The following ARHGAP35 variants were observed in gnomAD, a reference collection of about 807,000 sequenced individuals.
The protein encoded by ARHGAP35 is Rho GTPase activating protein 35.
Under a neutral mutation model 111.1 loss-of-function variants are expected in ARHGAP35, and 15 were observed. The observed-to-expected ratio is 0.13, with a 90% CI of 0.09 to 0.21. ARHGAP35 has a LOEUF of 0.21. ARHGAP35 is among the 10% of genes least tolerant of loss of function. ARHGAP35 has a pLI of 1.00. For synonymous variants in ARHGAP35, 643 were observed against 710.3 expected (o/e 0.91, Z 1.51); for missense variants, 1,262 against 1,873.0 (o/e 0.67, Z 6.02).
chr19:46,960,109 A>AC (rs2056470542), intron 3 of ARHGAP35, among the ~76,000 whole-genome samples: 1 of 144,264 alleles, frequency 6.9e-6, no homozygotes, highest in Non-Finnish European at 1.5e-5. Flanking sequence ...GACCTGTCTC[A>AC]CAAAAAAAAA....
In ARHGAP35 at chr19:46,922,636, G is replaced by T. The variant is rs972435057; in HGVS notation, c.3681+280G>T. ...ATAATGCAGAACTTGTCAGTGTCTT[G>T]ACAAGTGGCCAAGCGCAGTGACAAT... On this transcript the variant is annotated intron_variant, in intron 2 of 6. Transcript: ENST00000672722. The surrounding 1 kb of genome is among the most constrained non-coding windows in gnomAD (Gnocchi z 4.0). Among the ~76,000 whole-genome samples, 69 of 152,150 alleles carry T rather than the reference G, an allele frequency of 4.5e-4. No individual in the cohort carries two copies. The highest frequency in any genetic ancestry group is 1.6e-3 in the African/African-American group (67 of 41,418).
chr19:46,907,115 T>TA (rs1470998666), intron 1 of ARHGAP35, among the ~76,000 whole-genome samples: 1 of 152,152 alleles, frequency 6.6e-6, no homozygotes, highest in South Asian at 2.1e-4. Flanking sequence ...TTTTTCTTAA[T>TA]AAAAAATATT....
intron 1 of ARHGAP35, among the ~76,000 whole-genome samples, 104 bp downstream of exon 1, chr19:46,861,313 T>C (rs1313856499): frequency 7.0e-6 from 1 of 143,028 alleles, no homozygotes. Context: ...CCGCGAACAA[T>C]GGAGGAGCTG....
At chr19:46,876,749 C>CT (rs2055924822) in intron 1 of ARHGAP35, among the ~76,000 whole-genome samples, 1 of 151,584 alleles carries the variant, frequency 6.6e-6, no homozygotes, top group South Asian at 2.1e-4. Flanking sequence ...TCAAGCCTCC[C>CT]TTTTCAGCCT....
At chr19:46,923,252 C>A (rs2056215840) in intron 2 of ARHGAP35, among the ~76,000 whole-genome samples, 1 of 152,112 alleles carries the variant, frequency 6.6e-6, no homozygotes, top group Non-Finnish European at 1.5e-5. Flanking sequence ...CTACAGGCGC[C>A]CGCCACCGTG....
chr19:46,883,643 C>T (rs1051594930), intron 1 of ARHGAP35, among the ~76,000 whole-genome samples: 1 of 152,228 alleles, frequency 6.6e-6, no homozygotes, highest in South Asian at 2.1e-4. Flanking sequence ...ATGAAGTGAG[C>T]ATATGCTGTT....
chr19:46,956,565 G>A (rs886130032), intron 3 of ARHGAP35, among the ~76,000 whole-genome samples: 7 of 151,866 alleles, frequency 4.6e-5, no homozygotes, highest in African/African-American at 9.7e-5. Context: ...GATTACAGGC[G>A]TGAGCAACCA....
chr19:46,901,487 G>A lies in ARHGAP35; in HGVS notation c.-188-17001G>A, dbSNP rs1391117306. ...GCAGGAGAATCACTTGAACCCGGGA[G>A]GCAGAGGTTGCAGTGAGCCGAGATC... On this transcript the variant is annotated intron_variant, in intron 1 of 6. Transcript: ENST00000672722. The surrounding 1 kb of genome is among the most constrained non-coding windows in gnomAD (Gnocchi z 4.5). 6.6e-6 allele frequency among the ~76,000 whole-genome samples: 1 copy of A among 152,208 alleles called. No homozygotes were observed. The highest frequency in any genetic ancestry group is 1.5e-5 in the Non-Finnish European group (1 of 68,030).
rs773724867 is a variant in ARHGAP35 at position 46,919,715 on chromosome 19, C to T, written c.1040C>T (p.Ala347Val). The change falls in exon 2 of 7, where the codon GCT becomes GTT. Residue 347 changes from alanine (A) to valine (V), a missense_variant. By Grantham distance (64) the Ala-to-Val change is moderately conservative. This residue lies in a region of ARHGAP35 where 328 missense variants were observed against 440.8 expected (regional missense o/e 0.74). Transcript: ENST00000672722. The surrounding 1 kb of genome is among the most constrained non-coding windows in gnomAD (Gnocchi z 6.2). ...CTGTACCTGGCAGCCCTGCCATTAGCTTTTGAAGCTCTTATACCTAATCTA... is the reference window on the plus strand; with the variant it reads ...CTGTACCTGGCAGCCCTGCCATTAGTTTTTGAAGCTCTTATACCTAATCTA... Reference protein sequence around the residue: ...RKLYLAALPLAFEALIPNLDE... With the variant: ...RKLYLAALPLVFEALIPNLDE... 6.2e-7 allele frequency: 1 copy of T among 1,614,024 alleles called. No homozygotes were observed. Among genetic ancestry groups the T allele is most frequent in the Non-Finnish European group, 8.5e-7 (1 of 1,179,898 alleles).
chr19:46,907,062 A>C (rs916532427), intron 1 of ARHGAP35, among the ~76,000 whole-genome samples: 25 of 152,224 alleles, frequency 1.6e-4, no homozygotes, highest in African/African-American at 5.3e-4. Flanking sequence ...ACTGGGCTCC[A>C]ACCTGGGTGA....
chr19:46,888,365 C>CA (rs1568461185), intron 1 of ARHGAP35, among the ~76,000 whole-genome samples: 1 of 127,444 alleles, frequency 7.8e-6, no homozygotes, highest in Non-Finnish European at 1.7e-5. Flanking sequence ...CACACACACA[C>CA]CCCACAACAA....
intron 3 of ARHGAP35, chr19:46,947,329 T>C (rs773457657): frequency 3.3e-5 from 5 of 152,184 alleles, no homozygotes; most frequent in African/African-American, 9.7e-5. Context: ...AGGAATGTTA[T>C]TGGATTTTAA....
Position 46,993,558 on chromosome 19 carries a change from C to G in ARHGAP35, c.4036+3883C>G, listed in dbSNP as rs1220573627. Among the ~76,000 whole-genome samples the G allele has an allele frequency of 6.6e-6, 1 of 152,178 alleles. No individual in the cohort carries two copies. Among genetic ancestry groups the G allele is most frequent in the African/African-American group, 2.4e-5 (1 of 41,426 alleles). ...TTTGTAAGAGGTATGGGAAGCTAAT[C>G]GGTAAGGTCCCTGTGCCCTCTGTCT... is the stretch of plus-strand genomic sequence containing the variant. On this transcript the variant is annotated intron_variant, in intron 5 of 6. Coordinates refer to ENST00000672722, the MANE Select transcript of ARHGAP35 (RefSeq NM_004491.5). This position sits in a 1 kb window ranked among gnomAD's most constrained non-coding sequence, Gnocchi z 4.6.
intron 2 of ARHGAP35, among the ~76,000 whole-genome samples, chr19:46,923,719 G>A (rs2056221127): frequency 1.3e-5 from 2 of 151,674 alleles, no homozygotes; most frequent in South Asian, 4.2e-4. Context: ...AGGAGTTTGA[G>A]ACCAGCCTGG....
intron 2 of ARHGAP35, among the ~76,000 whole-genome samples, chr19:46,936,759 A>G (rs561407059): frequency 6.6e-6 from 1 of 152,142 alleles, no homozygotes; most frequent in South Asian, 2.1e-4. Flanking sequence ...ACTTTCTGGC[A>G]TCCTGTGTGG....
At chr19:46,905,212 T>TAAAAAC (rs2056100219) in intron 1 of ARHGAP35, among the ~76,000 whole-genome samples, 1 of 152,124 alleles carries the variant, frequency 6.6e-6, no homozygotes, top group Non-Finnish European at 1.5e-5. Flanking sequence ...TTGAACTTCT[T>TAAAAAC]AAAAACAAAA....
chr19:46,944,247 T>G (rs1599838113), intron 3 of ARHGAP35, among the ~76,000 whole-genome samples: 1 of 147,938 alleles, frequency 6.8e-6, no homozygotes, highest in Non-Finnish European at 1.5e-5. Context: ...TACAGTAAGC[T>G]GAGATCATGC....
At chr19:46,955,303 TG>T (rs1424088463) in intron 3 of ARHGAP35, among the ~76,000 whole-genome samples, 1 of 152,160 alleles carries the variant, frequency 6.6e-6, no homozygotes, top group African/African-American at 2.4e-5. Flanking sequence ...AACTTTTAAA[TG>T]GGCAGAGATG....
At chr19:46,967,319 C>G (rs538782915) in intron 3 of ARHGAP35, among the ~76,000 whole-genome samples, 1 of 152,248 alleles carries the variant, frequency 6.6e-6, no homozygotes, top group East Asian at 1.9e-4. Flanking sequence ...AGGTTTTCAT[C>G]CCAGAGAATC....
Sources: gnomAD v4.1 joint callset for allele counts (sites outside exome capture counted in the v4.1 genomes callset) on GRCh38, gnomAD v4.1.1 for gene constraint, gnomAD v4.1.1 regional missense constraint, Gnocchi (gnomAD v3.1) non-coding constraint, MANE v1.5 for transcripts, NCBI Gene and HGNC (gene_info 2026-07-23, HGNC 2026-07-21) for gene names.